Variants in ZNF407 observed in about 807,000 individuals in gnomAD.
ZNF407 encodes the protein zinc finger protein 407.
In ZNF407, 17 loss-of-function variants were observed where a neutral mutation model predicts 131.2. The ratio of observed to expected loss-of-function variants is 0.13; its 90% CI spans 0.09 to 0.19. The LOEUF is 0.19. Among genes scored for constraint, ZNF407 ranks in the 10% least tolerant of loss-of-function variants. The probability of loss-of-function intolerance (pLI) is 1.00; values close to 1 mark genes in which losing one functional copy is unlikely to be tolerated. For synonymous variants in ZNF407, 1,156 were observed against 1,062.0 expected, an observed-to-expected ratio of 1.09 and a Z score of -1.72; for missense variants, 2,681 against 2,830.6, an observed-to-expected ratio of 0.95 and a Z score of 1.20.
intron 4 of ZNF407, among the ~76,000 whole-genome samples, chr18:74,816,677 T>C (rs1261684501): frequency 6.6e-6 from 1 of 152,246 alleles, no homozygotes; most frequent in African/African-American, 2.4e-5. Flanking sequence ...TAAATTGATA[T>C]CCATAAAATT....
At chr18:75,052,023 G>C (rs1973506888) in intron 8 of ZNF407, among the ~76,000 whole-genome samples, 1 of 152,202 alleles carries the variant, frequency 6.6e-6, no homozygotes, top group Non-Finnish European at 1.5e-5. Flanking sequence ...ACTCAGGAGA[G>C]GCTCTGGGGA....
At chr18:74,807,836 G>C (rs1164330585) in intron 4 of ZNF407, among the ~76,000 whole-genome samples, 1 of 152,062 alleles carries the variant, frequency 6.6e-6, no homozygotes, top group African/African-American at 2.4e-5. Flanking sequence ...CTGGGTATCA[G>C]TACATACTCA....
chr18:74,733,371 AT>A (rs1451661574), intron 3 of ZNF407, among the ~76,000 whole-genome samples: 1 of 152,022 alleles, frequency 6.6e-6, no homozygotes, highest in Non-Finnish European at 1.5e-5. Flanking sequence ...TTATTTTTAA[AT>A]TTTTTTATTA....
intron 7 of ZNF407, among the ~76,000 whole-genome samples, chr18:74,905,122 G>A (rs1227829243): frequency 6.6e-6 from 1 of 152,178 alleles, no homozygotes; most frequent in Non-Finnish European, 1.5e-5. Flanking sequence ...TTGAGGGCAT[G>A]ACCACAGTGA....
At chr18:74,722,280 C>T (rs1030137212) in intron 3 of ZNF407, among the ~76,000 whole-genome samples, 4 of 151,886 alleles carry the variant, frequency 2.6e-5, no homozygotes, top group East Asian at 3.9e-4. Flanking sequence ...TAGGTCTCTC[C>T]GGCTCATTCT....
intron 4 of ZNF407, among the ~76,000 whole-genome samples, chr18:74,825,455 C>T (rs1229426970): frequency 1.3e-5 from 2 of 152,184 alleles, no homozygotes; most frequent in Admixed American, 1.3e-4. Context: ...AGCATCTCAG[C>T]CCAAAATCTC....
intron 4 of ZNF407, among the ~76,000 whole-genome samples, chr18:74,849,052 C>CTTTTTTTTTTTTTTTTTTTTTTTTTT (rs35529971): frequency 4.9e-5 from 6 of 122,944 alleles, no homozygotes; most frequent in East Asian, 2.4e-4. Context: ...ACTTTTGTTT[C>CTTTTTTTTTTTTTTTTTTTTTTTTTT]TTTTTTTTTT....
chr18:74,916,544 G>A (rs1213356821), intron 7 of ZNF407, among the ~76,000 whole-genome samples: 5 of 113,632 alleles, frequency 4.4e-5, no homozygotes, highest in Admixed American at 1.8e-4. Context: ...GCATTGGTTC[G>A]AATCGGGAGT....
intron 4 of ZNF407, among the ~76,000 whole-genome samples, chr18:74,807,718 T>A (rs1970133011): frequency 6.6e-6 from 1 of 152,216 alleles, no homozygotes; most frequent in Non-Finnish European, 1.5e-5. Flanking sequence ...AATAAGTTCT[T>A]TAACTGTCAG....
intron 4 of ZNF407, among the ~76,000 whole-genome samples, chr18:74,871,579 T>C (rs1309049269): frequency 1.3e-5 from 2 of 152,170 alleles, no homozygotes; most frequent in Non-Finnish European, 2.9e-5. Flanking sequence ...GTCACAGTTT[T>C]AGAGGATAGT....
chr18:75,049,301 G>T (rs1244222800), intron 8 of ZNF407, among the ~76,000 whole-genome samples: 4 of 152,274 alleles, frequency 2.6e-5, no homozygotes, highest in African/African-American at 9.6e-5. Flanking sequence ...ATGGAGCTAG[G>T]ATGAATCACT....
intron 3 of ZNF407, among the ~76,000 whole-genome samples, chr18:74,719,720 G>A (rs1215133621): frequency 6.6e-6 from 1 of 152,142 alleles, no homozygotes; most frequent in Non-Finnish European, 1.5e-5. Context: ...TTACTTCTAT[G>A]CGATCATCTT....
At chr18:74,786,891 C>T (rs1360502354) in intron 4 of ZNF407, among the ~76,000 whole-genome samples, 11 of 144,750 alleles carry the variant, frequency 7.6e-5, no homozygotes, top group East Asian at 4.1e-4. Context: ...CTGTGACCTC[C>T]GCCTCCCGGG....
intron 8 of ZNF407, among the ~76,000 whole-genome samples, chr18:74,989,411 A>C (rs1205048770): frequency 6.6e-6 from 1 of 152,258 alleles, no homozygotes; most frequent in African/African-American, 2.4e-5. Context: ...AACTCAGCAC[A>C]ATGTGCAAGC....
intron 8 of ZNF407, among the ~76,000 whole-genome samples, chr18:75,013,405 ATC>A (rs746672340): frequency 3.3e-5 from 5 of 152,124 alleles, no homozygotes; most frequent in Non-Finnish European, 7.4e-5. Flanking sequence ...AAAGAAAAGA[ATC>A]TCTACTTACT....
At chr18:74,988,657 T>A (rs1972682098) in intron 8 of ZNF407, among the ~76,000 whole-genome samples, 1 of 150,756 alleles carries the variant, frequency 6.6e-6, no homozygotes, top group African/African-American at 2.5e-5. Context: ...ATAAAAAAAA[T>A]AAATAAACAA....
At chr18:74,660,523 A>G (rs1411372611) in intron 3 of ZNF407, among the ~76,000 whole-genome samples, 1 of 152,150 alleles carries the variant, frequency 6.6e-6, no homozygotes, top group African/African-American at 2.4e-5. Context: ...TATGCCTCAC[A>G]AAACATTTTT....
intron 8 of ZNF407, among the ~76,000 whole-genome samples, chr18:75,028,736 A>G (rs143018711): frequency 6.6e-6 from 1 of 152,288 alleles, no homozygotes; most frequent in African/African-American, 2.4e-5. Flanking sequence ...GCGAGAACCC[A>G]AGAGATTACA....
intron 4 of ZNF407, among the ~76,000 whole-genome samples, chr18:74,843,556 A>G (rs1451721403): frequency 6.6e-6 from 1 of 152,194 alleles, no homozygotes; most frequent in Non-Finnish European, 1.5e-5. Flanking sequence ...TCTCTTACCT[A>G]TATGCTTCCT....
Sources: gnomAD v4.1 joint callset for allele counts (sites outside exome capture counted in the v4.1 genomes callset) on GRCh38, gnomAD v4.1.1 for gene constraint, MANE v1.5 for transcripts, NCBI Gene and HGNC (gene_info 2026-07-23, HGNC 2026-07-21) for gene names.